CSMD1: variants seen among roughly 807,000 people sequenced by gnomAD.
CSMD1 encodes CUB and Sushi multiple domains 1.
In CSMD1, 213 loss-of-function variants were observed where a neutral mutation model predicts 417.5. That is an observed-to-expected ratio of 0.51 (90% CI 0.46 to 0.57). The LOEUF is 0.57. Ranked by LOEUF, CSMD1 falls within the 20% of genes least tolerant of loss-of-function variation. The probability of loss-of-function intolerance (pLI) is 0.00; values close to 1 mark genes in which losing one functional copy is unlikely to be tolerated. For synonymous variants in CSMD1, 2,862 were observed against 1,736.8 expected (o/e 1.65, Z -16.11); for missense variants, 6,923 against 4,529.7 (o/e 1.53, Z -15.17).
In CSMD1 at chr8:4,071,263, C is replaced by A. The variant is rs375668133; in HGVS notation, c.416-39164G>T. Among the ~76,000 whole-genome samples the A allele has an allele frequency of 2.0e-5, 3 of 152,094 alleles. No individual in the cohort carries two copies. The East Asian group carries it at 5.8e-4, about 30-fold the overall frequency. Reference sequence around the variant, plus strand: ...ATATTGTCCCAAAGAAGCCTGACGCCCTGCTTGTTATATTTTTTCAGTCTT... The same window carrying A: ...ATATTGTCCCAAAGAAGCCTGACGCACTGCTTGTTATATTTTTTCAGTCTT... On this transcript the variant is annotated intron_variant, in intron 3 of 69. Coordinates refer to ENST00000635120, the MANE Select transcript of CSMD1 (RefSeq NM_033225.6).
chr8:3,982,199 A>AAATAAT (rs1310971969), intron 5 of CSMD1, among the ~76,000 whole-genome samples: 6 of 142,436 alleles, frequency 4.2e-5, no homozygotes, highest in South Asian at 2.2e-4. Context: ...ATATTAATAA[A>AAATAAT]AAAAATAATA....
At chr8:3,854,603 T>G (rs1804162499) in intron 5 of CSMD1, among the ~76,000 whole-genome samples, 1 of 152,048 alleles carries the variant, frequency 6.6e-6, no homozygotes, top group South Asian at 2.1e-4. Flanking sequence ...CCCAAGGAGA[T>G]TCCTAAATCT....
At chr8:3,950,290 G>A (rs905921300) in intron 5 of CSMD1, among the ~76,000 whole-genome samples, 1 of 152,132 alleles carries the variant, frequency 6.6e-6, no homozygotes, top group African/African-American at 2.4e-5. Context: ...CAAAATAAAA[G>A]AACCTATTCT....
At chr8:4,665,421 T>C (rs545850206) in intron 1 of CSMD1, among the ~76,000 whole-genome samples, 1 of 152,302 alleles carries the variant, frequency 6.6e-6, no homozygotes, top group South Asian at 2.1e-4. Context: ...CACATAACCA[T>C]GAGTAACCCA....
Position 3,470,598 on chromosome 8 carries a change from G to A in CSMD1, c.1449-1774C>T, listed in dbSNP as rs112383576. Among the ~76,000 whole-genome samples the A allele has an allele frequency of 4.7e-3, 719 of 152,014 alleles. 4 individuals carry two copies. Among genetic ancestry groups the A allele is most frequent in the Admixed American group, 9.8e-3 (149 of 15,240 alleles). On this transcript the variant is annotated intron_variant, in intron 11 of 69. Coordinates refer to ENST00000635120, the MANE Select transcript of CSMD1 (RefSeq NM_033225.6). ...ACATGTCTCGGCTCCTGAATCCACC[G>A]CCATAGTCAATGCAGGGCAGCTCCA...
rs565107751 is a variant in CSMD1 at position 3,938,549 on chromosome 8, C to G, written c.818+59354G>C. Among the ~76,000 whole-genome samples the G allele has an allele frequency of 4.1e-4, 63 of 152,184 alleles. 1 individual carries two copies. The highest frequency in any genetic ancestry group is 1.5e-3 in the African/African-American group (61 of 41,536). On this transcript the variant is annotated intron_variant, in intron 5 of 69. Coordinates refer to ENST00000635120, the MANE Select transcript of CSMD1 (RefSeq NM_033225.6). ...TCTGTTGGGGGATGATTTGAGAGGA[C>G]CGATGCTACCAATGCATCTCTTTTT... is the stretch of plus-strand genomic sequence containing the variant.
intron 4 of CSMD1, among the ~76,000 whole-genome samples, chr8:4,030,257 C>G (rs1458783283): frequency 1.3e-5 from 2 of 152,192 alleles, no homozygotes; most frequent in African/African-American, 4.8e-5. Context: ...ACATTTCCCT[C>G]CTGCACTGCC....
intron 2 of CSMD1, among the ~76,000 whole-genome samples, chr8:4,555,752 T>C (rs1585244025): frequency 6.6e-6 from 1 of 152,258 alleles, no homozygotes; most frequent in East Asian, 1.9e-4. Context: ...GAAAGTTCCA[T>C]TTCAGTTAAC....
chr8:4,078,914 T>C (rs1585266761), intron 3 of CSMD1, among the ~76,000 whole-genome samples: 1 of 65,780 alleles, frequency 1.5e-5, no homozygotes. Context: ...TATATATATA[T>C]ATATATATAT....
intron 19 of CSMD1, among the ~76,000 whole-genome samples, chr8:3,367,714 A>T (rs1809689072): frequency 6.6e-6 from 1 of 152,224 alleles, no homozygotes; most frequent in South Asian, 2.1e-4. Context: ...TGAAGATATG[A>T]TGTGGACATC....
chr8:3,311,303 G>A (rs774987117), intron 23 of CSMD1, among the ~76,000 whole-genome samples: 1 of 152,110 alleles, frequency 6.6e-6, no homozygotes, highest in African/African-American at 2.4e-5. Context: ...AGGCTGGAAT[G>A]CAGTGGCATG....
At chr8:4,204,375 T>C (rs1220997826) in intron 3 of CSMD1, among the ~76,000 whole-genome samples, 1 of 152,182 alleles carries the variant, frequency 6.6e-6, no homozygotes, top group Non-Finnish European at 1.5e-5. Context: ...ACAACATCAT[T>C]TGATCATCTG....
intron 7 of CSMD1, among the ~76,000 whole-genome samples, chr8:3,672,610 C>A (rs1799134721): frequency 6.6e-6 from 1 of 152,176 alleles, no homozygotes; most frequent in South Asian, 2.1e-4. Flanking sequence ...CCATTGTCTA[C>A]TCTTGAAGGT....
chr8:4,604,658 A>C (rs1231770942), intron 2 of CSMD1, among the ~76,000 whole-genome samples: 1 of 152,180 alleles, frequency 6.6e-6, no homozygotes. Flanking sequence ...GAACATCACC[A>C]ATCTGTTTAT....
intron 5 of CSMD1, among the ~76,000 whole-genome samples, chr8:3,928,829 C>G (rs901836990): frequency 1.4e-5 from 2 of 140,682 alleles, no homozygotes; most frequent in African/African-American, 2.6e-5. Context: ...TCCACCTACC[C>G]CAGGTCATGC....
intron 3 of CSMD1, among the ~76,000 whole-genome samples, chr8:4,089,573 T>A (rs913688836): frequency 3.3e-5 from 5 of 152,230 alleles, no homozygotes; most frequent in African/African-American, 1.2e-4. Flanking sequence ...ATTACTTAGT[T>A]ATTATACCTC....
At chr8:3,087,005 T>C (rs1004151072) in intron 49 of CSMD1, 92 bp downstream of exon 49, 84 of 1,160,646 alleles carry the variant, frequency 7.2e-5, no homozygotes, top group Non-Finnish European at 3.9e-5. Context: ...TTACCTTTTA[T>C]TCTTAGTTAG....
chr8:4,580,296 T>C (rs1326295265), intron 2 of CSMD1, among the ~76,000 whole-genome samples: 2 of 152,212 alleles, frequency 1.3e-5, no homozygotes, highest in Non-Finnish European at 2.9e-5. Flanking sequence ...TCCATGCTCA[T>C]TAATTTATTT....
chr8:3,124,759 A>G lies in CSMD1; in HGVS notation c.6242-6172T>C, dbSNP rs564604144. Among the ~76,000 whole-genome samples, 18 of 152,330 alleles carry G rather than the reference A, an allele frequency of 1.2e-4. No homozygotes were observed. In the South Asian group the frequency reaches 3.7e-3, roughly 32 times the overall value. ...ACATTTTATAAGTGGACACAGACATATTATAAAAACCCAGGACCCATTTTT... is the reference window on the plus strand; with the variant it reads ...ACATTTTATAAGTGGACACAGACATGTTATAAAAACCCAGGACCCATTTTT... On this transcript the variant is annotated intron_variant, in intron 41 of 69. Transcript: ENST00000635120.
Sources: allele counts gnomAD v4.1 joint callset (sites outside exome capture counted in the v4.1 genomes callset), GRCh38; gene constraint gnomAD v4.1.1; transcripts MANE v1.5; gene names NCBI Gene and HGNC (gene_info 2026-07-23, HGNC 2026-07-21).